The following PARVB variants were observed in gnomAD, a reference collection of about 807,000 sequenced individuals.
PARVB encodes beta-parvin.
A neutral mutation model predicts 47.0 loss-of-function variants in PARVB; 46 were observed. That is an observed-to-expected ratio of 0.98 (90% CI 0.77 to 1.25). The LOEUF is 1.25. Among genes scored for constraint, PARVB ranks in the 50% most tolerant of loss-of-function variants. The pLI, the probability that PARVB is intolerant of heterozygous loss-of-function variation, is 0.00. For missense variants in PARVB, 473 were observed against 471.6 expected, an observed-to-expected ratio of 1.00 and a Z score of -0.03; for synonymous variants, 196 against 196.3, an observed-to-expected ratio of 1.00 and a Z score of 0.01.
rs1208450066 is a variant in PARVB, at chr22:44,024,396, G to A, written c.57G>A (p.Glu19=). Residue 19 remains glutamate, a synonymous_variant, in exon 1 of 13, where the codon GAG becomes GAA. Coordinates refer to ENST00000338758, the MANE Select transcript of PARVB (RefSeq NM_013327.5). The part of the protein sequence containing the change: ...TPRPRRMKKD[E]SFLGKLGGTL... ...GGCCCCGCAGGATGAAGAAGGACGA[G>A]TCGTTCCTGGGCAAGCTGGGCGGCA... 7 of 1,260,774 alleles carry A rather than the reference G, an allele frequency of 5.6e-6. No homozygotes were observed. The highest frequency in any genetic ancestry group is 2.0e-5 in the South Asian group (1 of 50,184). The allele number at this position is 1,260,774 out of a possible 1,614,324, so 78.1% of individuals were successfully genotyped here.
chr22:44,028,863 A>T (rs527689077), intron 1 of PARVB, among the ~76,000 whole-genome samples: 1 of 152,222 alleles, frequency 6.6e-6, no homozygotes, highest in East Asian at 1.9e-4. Flanking sequence ...TGCTGTTTCA[A>T]TTCGCATTTC....
chr22:44,045,616 G>A (rs1040733212), intron 1 of PARVB, among the ~76,000 whole-genome samples: 2 of 152,174 alleles, frequency 1.3e-5, no homozygotes, highest in Admixed American at 1.3e-4. Context: ...GACTGGCCCT[G>A]CCCACATGGC....
rs2054272207 is a variant in PARVB at position 44,171,835 on chromosome 22, T to TTTTTTA, written c.*3157_*3158insTTTTTA. ...ATGTGATTTTTTTTTTTTTTTTTTT[T>TTTTTTA]GAGATAAGTTCTCACTGCGTTGCCC... On this transcript the variant is annotated 3_prime_UTR_variant, in exon 13 of 13. Transcript: ENST00000338758. 1 of 150,322 alleles carries TTTTTTA rather than the reference T, an allele frequency of 6.7e-6. No homozygotes were observed. Among genetic ancestry groups the TTTTTTA allele is most frequent in the African/African-American group, 2.5e-5 (1 of 40,672 alleles). 9.3% of individuals were successfully genotyped at this position (150,322 alleles called of 1,614,324 possible). A position where few individuals can be genotyped will look rare whatever the true frequency, so the allele number is the denominator to read the frequency against.
chr22:44,066,812 TC>T (rs1239354265), intron 1 of PARVB, among the ~76,000 whole-genome samples: 12 of 146,718 alleles, frequency 8.2e-5, no homozygotes, highest in Non-Finnish European at 1.8e-4. Context: ...CTCCTCCTCC[TC>T]CTCCTCCTCT....
chr22:44,074,158 C>T (rs1021029560), intron 1 of PARVB, among the ~76,000 whole-genome samples: 3 of 152,234 alleles, frequency 2.0e-5, no homozygotes, highest in Admixed American at 2.0e-4. Flanking sequence ...CTCTGGAAAC[C>T]AGAGGAGGAG....
In PARVB at chr22:44,168,889, G is replaced by A; in HGVS notation, c.*211G>A. 1 of 538,266 alleles carries A rather than the reference G, an allele frequency of 1.9e-6. No individual in the cohort carries two copies. The highest frequency in any genetic ancestry group is 3.3e-5 in the Admixed American group (1 of 30,478). 33.3% of individuals were successfully genotyped at this position (538,266 alleles called of 1,614,324 possible). On this transcript the variant is annotated 3_prime_UTR_variant, in exon 13 of 13. Coordinates refer to ENST00000338758, the MANE Select transcript of PARVB (RefSeq NM_013327.5). ...CTCCTCTCCATGTAGTTCCCAGTGG[G>A]CAAGAGCCTTTGAAAATGCAGGATT... is the stretch of plus-strand genomic sequence containing the variant.
At chr22:44,152,115 C>T (rs1186722566) in intron 10 of PARVB, 2 of 152,310 alleles carry the variant, frequency 1.3e-5, no homozygotes, top group Admixed American at 6.5e-5. Flanking sequence ...ATTCAGAGGT[C>T]CTGGTGATTA....
chr22:44,132,266 A>T (rs2073031), intron 5 of PARVB, among the ~76,000 whole-genome samples: 33,132 of 152,082 alleles, frequency 0.22, 4,721 homozygotes, highest in East Asian at 0.58. Context: ...GTTTCTTGGT[A>T]TCGAGACCTT....
At chr22:44,039,708 A>G in intron 1 of PARVB, 2 of 377,232 alleles carry the variant, frequency 5.3e-6, no homozygotes, top group African/African-American at 4.2e-5. Context: ...GATCCTGGGC[A>G]GTGTCAAGGA....
At chr22:44,136,113 T>C (rs1396721545) in intron 6 of PARVB, among the ~76,000 whole-genome samples, 1 of 152,228 alleles carries the variant, frequency 6.6e-6, no homozygotes, top group Non-Finnish European at 1.5e-5. Flanking sequence ...TCCTTCCAAT[T>C]GCATGCCTCA....
rs527693752 is a variant in PARVB at position 44,102,590 on chromosome 22, C to T, written c.273+2467C>T. Reference sequence around the variant, plus strand: ...CCATGGCTCACACCTGAAATCCCAGCGCCCTGGGAGGCCAAGGTTGGGGGG... The same window carrying T: ...CCATGGCTCACACCTGAAATCCCAGTGCCCTGGGAGGCCAAGGTTGGGGGG... On this transcript the variant is annotated intron_variant, in intron 3 of 12. Coordinates refer to ENST00000338758, the MANE Select transcript of PARVB (RefSeq NM_013327.5). 1.9e-3 allele frequency among the ~76,000 whole-genome samples: 292 copies of T among 152,090 alleles called. 1 individual carries two copies. The Middle Eastern group carries it at 0.027, about 14-fold the overall frequency.
intron 3 of PARVB, chr22:44,105,971 G>A (rs967778187): frequency 1.3e-5 from 2 of 152,138 alleles, no homozygotes; most frequent in East Asian, 3.9e-4. Flanking sequence ...TGGGATTATA[G>A]GTATGCACCA....
chr22:44,147,730 A>T, intron 8 of PARVB, 131 bp from the exon 9 acceptor site: 2 of 800,754 alleles, frequency 2.5e-6, no homozygotes, highest in South Asian at 1.3e-5. Flanking sequence ...TAGGAATTGG[A>T]AGGATTCTAG....
intron 3 of PARVB, chr22:44,109,973 C>T (rs377253350): frequency 4.0e-5 from 6 of 150,946 alleles, no homozygotes; most frequent in East Asian, 2.0e-4. Context: ...ATTAGCCGGG[C>T]GTAGTGGCGG....
chr22:44,065,842 G>GGTGTGT (rs3831714), intron 1 of PARVB, among the ~76,000 whole-genome samples: 1 of 144,750 alleles, frequency 6.9e-6, no homozygotes, highest in African/African-American at 2.6e-5. Flanking sequence ...AGTATTCCAT[G>GGTGTGT]GTGTGTGTGT....
At chr22:44,154,669 G>A (rs1367521418) in intron 10 of PARVB, among the ~76,000 whole-genome samples, 1 of 70,388 alleles carries the variant, frequency 1.4e-5, no homozygotes, top group East Asian at 1.4e-3. Context: ...AGTCTGTGTG[G>A]TGTGTGGTGT....
intron 2 of PARVB, among the ~76,000 whole-genome samples, chr22:44,006,946 A>C (rs1165188025): frequency 6.6e-6 from 1 of 152,196 alleles, no homozygotes; most frequent in African/African-American, 2.4e-5. Flanking sequence ...TCATCGCTGA[A>C]TCTTTCACCT....
At chr22:44,100,419 C>T (rs929120904) in intron 3 of PARVB, among the ~76,000 whole-genome samples, 2 of 152,076 alleles carry the variant, frequency 1.3e-5, no homozygotes, top group Non-Finnish European at 2.9e-5. Context: ...TGAGTGCTGG[C>T]GTGAGCTAGT....
At chr22:44,153,922 C>T (rs760686654) in intron 10 of PARVB, among the ~76,000 whole-genome samples, 8 of 152,310 alleles carry the variant, frequency 5.3e-5, no homozygotes, top group South Asian at 4.1e-4. Flanking sequence ...GCTTTGTGCA[C>T]GGCTGTCTGT....
Sources: gnomAD v4.1 joint callset for allele counts (sites outside exome capture counted in the v4.1 genomes callset) on GRCh38, gnomAD v4.1.1 for gene constraint, MANE v1.5 for transcripts, NCBI Gene and HGNC (gene_info 2026-07-23, HGNC 2026-07-21) for gene names.